PGPEP1: variants seen among roughly 807,000 people sequenced by gnomAD.
PGPEP1 encodes the protein pyroglutamyl-peptidase 1.
A neutral mutation model predicts 24.1 loss-of-function variants in PGPEP1; 15 were observed. The observed-to-expected ratio is 0.62, with a 90% CI of 0.42 to 0.96. The LOEUF (loss-of-function observed/expected upper bound fraction) is 0.96. Among genes scored for constraint, PGPEP1 ranks in the 40% least tolerant of loss-of-function variants. The pLI, the probability that PGPEP1 is intolerant of heterozygous loss-of-function variation, is 0.00. For missense variants in PGPEP1, 242 were observed against 273.4 expected (o/e 0.89, Z 0.81); for synonymous variants, 122 against 116.4 (o/e 1.05, Z -0.31).
intron 3 of PGPEP1, among the ~76,000 whole-genome samples, chr19:18,356,535 C>G (rs1365710787): frequency 4.0e-5 from 6 of 151,586 alleles, no homozygotes; most frequent in Non-Finnish European, 8.8e-5. Context: ...TTGCTTGAGT[C>G]TAGGAGTTTG....
At chr19:18,356,071 G>A in intron 3 of PGPEP1, 60 bp downstream of exon 3, 2 of 1,020,500 alleles carry the variant, frequency 2.0e-6, no homozygotes, top group Middle Eastern at 2.1e-4. Context: ...CACCCTTCAT[G>A]TGGAGGACTT....
intron 2 of PGPEP1, among the ~76,000 whole-genome samples, chr19:18,346,798 G>C (rs113641826): frequency 6.6e-6 from 1 of 150,744 alleles, no homozygotes; most frequent in African/African-American, 2.4e-5. Context: ...GTACCACCAC[G>C]CCCAGCTAAT....
rs768702725 is a variant in PGPEP1 at position 18,363,377 on chromosome 19, G to T, written c.438-14G>T. The T allele has an allele frequency of 8.8e-6, 14 of 1,596,362 alleles. No individual in the cohort carries two copies. In the South Asian group the frequency reaches 1.3e-4, roughly 15 times the overall value. ...TTTTGGTCTCTCTCTTACCCGCCAC[G>T]CCCTGCGGCTTAGATATCTCTGCGA... On this transcript the variant is annotated splice_polypyrimidine_tract_variant and intron_variant, in intron 4 of 4. Coordinates refer to ENST00000269919, the MANE Select transcript of PGPEP1 (RefSeq NM_017712.4).
intron 2 of PGPEP1, among the ~76,000 whole-genome samples, chr19:18,347,921 C>T (rs1464501865): frequency 6.6e-6 from 1 of 152,140 alleles, no homozygotes; most frequent in Non-Finnish European, 1.5e-5. Context: ...CATGAGCCAC[C>T]GCGCCCGGCC....
At chr19:18,346,702 A>ACAATCTC (rs1970858074) in intron 2 of PGPEP1, among the ~76,000 whole-genome samples, 1 of 132,884 alleles carries the variant, frequency 7.5e-6, no homozygotes, top group African/African-American at 2.8e-5. Context: ...GTGCAATGGC[A>ACAATCTC]CAATCTCAGC....
In PGPEP1 at chr19:18,356,098, G is replaced by A; in HGVS notation, c.204+87G>A. 6 of 802,370 alleles carry A rather than the reference G, an allele frequency of 7.5e-6. No homozygotes were observed. In the South Asian group the frequency reaches 8.2e-5, roughly 11 times the overall value. The allele number at this position is 802,370 out of a possible 1,614,324, so 49.7% of individuals were successfully genotyped here. On this transcript the variant is annotated intron_variant, in intron 3 of 4. Transcript: ENST00000269919. ...GGAGGACTTAGGTGGCTTTGGTCCTGATCAGATCACGTGACCAATGCCATA... is the reference window on the plus strand; with the variant it reads ...GGAGGACTTAGGTGGCTTTGGTCCTAATCAGATCACGTGACCAATGCCATA...
intron 1 of PGPEP1, among the ~76,000 whole-genome samples, chr19:18,342,199 G>A (rs1025064017): frequency 1.3e-5 from 2 of 152,182 alleles, no homozygotes; most frequent in South Asian, 4.2e-4. Flanking sequence ...ATGAGCCACC[G>A]CACCCAGCCC....
chr19:18,340,729 TG>T lies in PGPEP1; in HGVS notation c.34+19del. ...TGGTAGTGACGGGTACGCTGGCTGA[TG>T]GGGGCTGTAGCGGCAGCGGCCGGGG... On this transcript the variant is annotated intron_variant, in intron 1 of 4. Transcript: ENST00000269919. The T allele has an allele frequency of 1.3e-6, 2 of 1,499,938 alleles. No homozygotes were observed. The highest frequency in any genetic ancestry group is 2.5e-5 in the South Asian group (2 of 79,090). The allele number at this position is 1,499,938 out of a possible 1,614,324, so 92.9% of individuals were successfully genotyped here. A position where few individuals can be genotyped will look rare whatever the true frequency, so the allele number is the denominator to read the frequency against.
chr19:18,358,194 G>A, intron 4 of PGPEP1: 1 of 155,674 alleles, frequency 6.4e-6, no homozygotes, highest in South Asian at 1.8e-4. Context: ...GTGTGGCCGT[G>A]TGGTCTTCTT....
chr19:18,362,863 A>T (rs796113364), intron 4 of PGPEP1, among the ~76,000 whole-genome samples: 7 of 152,214 alleles, frequency 4.6e-5, no homozygotes, highest in African/African-American at 1.7e-4. Flanking sequence ...TGTCTCAATA[A>T]ACAAAAAATG....
intron 3 of PGPEP1, among the ~76,000 whole-genome samples, chr19:18,357,090 ATTAT>A (rs963535835): frequency 3.9e-4 from 59 of 152,326 alleles, no homozygotes; most frequent in African/African-American, 1.3e-3. Context: ...ATAGCAGCTC[ATTAT>A]TTATTGAACT....
intron 4 of PGPEP1, among the ~76,000 whole-genome samples, chr19:18,359,194 T>C (rs371706595): frequency 1.3e-4 from 20 of 152,124 alleles, no homozygotes; most frequent in African/African-American, 3.6e-4. Context: ...CAGTGAGCTG[T>C]GATAGCGCCA....
chr19:18,360,151 A>G (rs921173237), intron 4 of PGPEP1, among the ~76,000 whole-genome samples: 1 of 151,594 alleles, frequency 6.6e-6, no homozygotes, highest in African/African-American at 2.4e-5. Context: ...CTGCAGATGG[A>G]CACCACCACG....
rs201641785 is a variant in PGPEP1, at chr19:18,349,082, A to AAC, written c.87+6179_87+6180dup. 2.1e-5 allele frequency: 21 copies of AAC among 983,464 alleles called. No homozygotes were observed. In the African/African-American group the frequency reaches 3.3e-4, roughly 16 times the overall value. 60.9% of individuals were successfully genotyped at this position (983,464 alleles called of 1,614,324 possible). On this transcript the variant is annotated intron_variant, in intron 2 of 4. Coordinates refer to ENST00000269919, the MANE Select transcript of PGPEP1 (RefSeq NM_017712.4). ...CCCTGCCATCAGGTGGGTCTTGGCA[A>AAC]ACACACACATGAACACCTCTCTTGT...
chr19:18,363,347 C>T, intron 4 of PGPEP1, 44 bp from the exon 5 acceptor site: 1 of 1,544,946 alleles, frequency 6.5e-7, no homozygotes, highest in Non-Finnish European at 8.9e-7. Flanking sequence ...GCCCCTCTGA[C>T]CCCGTTTTGG....
intron 4 of PGPEP1, among the ~76,000 whole-genome samples, chr19:18,358,253 CTTTTTTTTT>C (rs58979840): frequency 1.6e-5 from 1 of 64,484 alleles, no homozygotes; most frequent in African/African-American, 6.1e-5. Context: ...TCCAGTATGA[CTTTTTTTTT>C]TTTTTTTTTT....
intron 4 of PGPEP1, among the ~76,000 whole-genome samples, chr19:18,358,253 CTTTTTTTTTT>C (rs58979840): frequency 1.6e-5 from 1 of 64,482 alleles, no homozygotes; most frequent in Non-Finnish European, 2.8e-5. Context: ...TCCAGTATGA[CTTTTTTTTTT>C]TTTTTTTTTT....
rs1971618697 is a variant in PGPEP1, at chr19:18,368,521, C to A, written c.*4938C>A. 1.3e-5 allele frequency: 2 copies of A among 152,376 alleles called. No individual in the cohort carries two copies. Among genetic ancestry groups the A allele is most frequent in the Non-Finnish European group, 2.9e-5 (2 of 68,038 alleles). The allele number at this position is 152,376 out of a possible 1,614,324, so 9.4% of individuals were successfully genotyped here. On this transcript the variant is annotated 3_prime_UTR_variant, in exon 5 of 5. Coordinates refer to ENST00000269919, the MANE Select transcript of PGPEP1 (RefSeq NM_017712.4). ...AAACATCTAGAACAGAAAGTATCCA[C>A]TCTGGGGCAGATGGGAGAGCTGGAA...
intron 2 of PGPEP1, among the ~76,000 whole-genome samples, chr19:18,353,759 G>C (rs1479857479): frequency 6.6e-6 from 1 of 152,096 alleles, no homozygotes; most frequent in Non-Finnish European, 1.5e-5. Flanking sequence ...TTTTGTGTCT[G>C]GCTTCTCTCA....
Sources: gnomAD v4.1 joint callset for allele counts (sites outside exome capture counted in the v4.1 genomes callset) on GRCh38, gnomAD v4.1.1 for gene constraint, MANE v1.5 for transcripts, NCBI Gene and HGNC (gene_info 2026-07-23, HGNC 2026-07-21) for gene names.